Variants in RBFOX1 observed in about 807,000 individuals in gnomAD.
RBFOX1 encodes RNA binding protein fox-1 homolog 1.
A neutral mutation model predicts 57.7 loss-of-function variants in RBFOX1; 8 were observed. The observed-to-expected ratio is 0.14, with a 90% CI of 0.08 to 0.25. RBFOX1 has a LOEUF of 0.25. RBFOX1 is among the 10% of genes least tolerant of loss of function. The pLI, the probability that RBFOX1 is intolerant of heterozygous loss-of-function variation, is 1.00. For synonymous variants in RBFOX1, 326 were observed against 222.4 expected, an observed-to-expected ratio of 1.47 and a Z score of -4.15; for missense variants, 611 against 548.5, an observed-to-expected ratio of 1.11 and a Z score of -1.14.
chr16:6,827,620 C>T (rs914048105), intron 3 of RBFOX1, among the ~76,000 whole-genome samples: 2 of 152,304 alleles, frequency 1.3e-5, no homozygotes, highest in Middle Eastern at 6.8e-3. Flanking sequence ...CCAGCCCCAT[C>T]CTTCACTGCT....
At position 5,950,584 on chromosome 16, in the gene RBFOX1, ATTC is replaced by A. The variant is rs201456118; in HGVS notation, c.351+83255_351+83257del. 3.7e-3 allele frequency among the ~76,000 whole-genome samples: 562 copies of A among 152,250 alleles called. 4 individuals are homozygous for A. Among genetic ancestry groups the A allele is most frequent in the African/African-American group, 0.012 (503 of 41,534 alleles). ...TATTTAATGTGTTACAATCATTGCT[ATTC>A]TTCTTTTTGATGCTCAAATTGTCCG... On this transcript the variant is annotated intron_variant, in intron 4 of 19. Coordinates refer to the RBFOX1 transcript ENST00000641259.
At chr16:5,350,769 G>C (rs1255176621) in intron 1 of RBFOX1, among the ~76,000 whole-genome samples, 1 of 152,186 alleles carries the variant, frequency 6.6e-6, no homozygotes, top group African/African-American at 2.4e-5. Flanking sequence ...AGGAGACTGA[G>C]GCAGGAGAAT....
At chr16:6,709,981 G>T (rs2063442087) in intron 3 of RBFOX1, among the ~76,000 whole-genome samples, 1 of 152,124 alleles carries the variant, frequency 6.6e-6, no homozygotes, top group Admixed American at 6.5e-5. Context: ...AGCCACCTGT[G>T]CTCAATGTGA....
intron 2 of RBFOX1, among the ~76,000 whole-genome samples, chr16:6,606,051 A>G (rs1006443669): frequency 1.3e-5 from 2 of 151,962 alleles, no homozygotes; most frequent in East Asian, 1.9e-4. Flanking sequence ...GGAGGTTGCA[A>G]TGAGCCGAGA....
intron 3 of RBFOX1, among the ~76,000 whole-genome samples, chr16:7,012,209 T>C (rs1370688475): frequency 1.3e-5 from 2 of 152,176 alleles, no homozygotes; most frequent in Non-Finnish European, 2.9e-5. Flanking sequence ...GCGGGTGTTT[T>C]TGTTCAACTT....
intron 3 of RBFOX1, among the ~76,000 whole-genome samples, chr16:6,827,331 T>C (rs527463335): frequency 6.6e-6 from 1 of 152,108 alleles, no homozygotes. Context: ...ATAAAGCAAG[T>C]AAATCCATTA....
At chr16:7,437,757 C>T (rs532382135) in intron 4 of RBFOX1, among the ~76,000 whole-genome samples, 1 of 152,176 alleles carries the variant, frequency 6.6e-6, no homozygotes, top group South Asian at 2.1e-4. Flanking sequence ...ACTTATACTG[C>T]TCGACGTGGC....
chr16:5,671,788 G>T (rs1355316847), intron 3 of RBFOX1, among the ~76,000 whole-genome samples: 3 of 152,114 alleles, frequency 2.0e-5, no homozygotes, highest in East Asian at 1.9e-4. Context: ...TGAATATAAG[G>T]CCCCTTGTCT....
chr16:6,766,041 G>A (rs777667276), intron 3 of RBFOX1, among the ~76,000 whole-genome samples: 1 of 151,910 alleles, frequency 6.6e-6, no homozygotes, highest in African/African-American at 2.4e-5. Context: ...ACACTACTCG[G>A]GTGGCAGGTG....
intron 4 of RBFOX1, among the ~76,000 whole-genome samples, chr16:7,504,787 T>TTATATATATATATTTA (rs1567555350): frequency 1.3e-3 from 12 of 9,332 alleles, no homozygotes; most frequent in African/African-American, 4.4e-3. Flanking sequence ...ATATATATAT[T>TTATATATATATATTTA]TATATATATA....
At position 7,620,406 on chromosome 16, in the gene RBFOX1, T is replaced by C. The variant is rs962525686; in HGVS notation, c.677-10197T>C. On this transcript the variant is annotated intron_variant, in intron 10 of 15. Transcript: ENST00000550418. ...AAGTTAAAAGTTTCAAAGCCTACAC[T>C]TTTTCAGTGACACTATAGAAATCTC... 2.0e-5 allele frequency among the ~76,000 whole-genome samples: 3 copies of C among 152,236 alleles called. No homozygotes were observed. In the South Asian group the frequency reaches 6.2e-4, roughly 31 times the overall value.
intron 4 of RBFOX1, among the ~76,000 whole-genome samples, chr16:5,891,834 G>C (rs935656069): frequency 2.0e-5 from 3 of 152,156 alleles, no homozygotes; most frequent in African/African-American, 7.2e-5. Flanking sequence ...CTTGATGGAG[G>C]CTTGGAGACC....
At chr16:6,740,373 A>C (rs1052092144) in intron 3 of RBFOX1, among the ~76,000 whole-genome samples, 2 of 152,222 alleles carry the variant, frequency 1.3e-5, no homozygotes, top group African/African-American at 4.8e-5. Context: ...TATTCAACAT[A>C]GTAGGGAATT....
chr16:6,878,647 G>A (rs1462732707), intron 3 of RBFOX1, among the ~76,000 whole-genome samples: 3 of 152,124 alleles, frequency 2.0e-5, no homozygotes, highest in Admixed American at 6.6e-5. Context: ...ACTGTGGTTC[G>A]TGTTAGCGTC....
At chr16:5,294,749 G>T (rs2063620829) in intron 1 of RBFOX1, among the ~76,000 whole-genome samples, 1 of 151,986 alleles carries the variant, frequency 6.6e-6, no homozygotes, top group South Asian at 2.1e-4. Flanking sequence ...AAAAAAGACA[G>T]GCCAGGTGCA....
At chr16:6,902,804 C>G (rs767190034) in intron 3 of RBFOX1, among the ~76,000 whole-genome samples, 4 of 152,140 alleles carry the variant, frequency 2.6e-5, no homozygotes, top group Non-Finnish European at 4.4e-5. Flanking sequence ...CCAAATAAAG[C>G]TTTAACATTA....
intron 3 of RBFOX1, among the ~76,000 whole-genome samples, chr16:7,050,512 C>A (rs997385281): frequency 6.6e-6 from 1 of 152,036 alleles, no homozygotes; most frequent in Admixed American, 6.6e-5. Context: ...ATGATCCACC[C>A]GCCTTGGCCT....
At chr16:6,229,785 G>C (rs2097444795) in intron 1 of RBFOX1, among the ~76,000 whole-genome samples, 1 of 151,534 alleles carries the variant, frequency 6.6e-6, no homozygotes, top group Admixed American at 6.6e-5. Flanking sequence ...GTTGGAAAAT[G>C]AATAGTTATA....
intron 14 of RBFOX1, among the ~76,000 whole-genome samples, chr16:7,708,404 G>A (rs9940215): frequency 0.31 from 46,597 of 152,088 alleles, 7,568 homozygotes; most frequent in Non-Finnish European, 0.36. Flanking sequence ...ATTAAGATTT[G>A]TTGTTTCAAA....
Sources: allele counts gnomAD v4.1 joint callset (sites outside exome capture counted in the v4.1 genomes callset), GRCh38; gene constraint gnomAD v4.1.1; transcripts MANE v1.5; gene names NCBI Gene and HGNC (gene_info 2026-07-23, HGNC 2026-07-21).